Variants in CAP2 observed in about 807,000 individuals in gnomAD.
The protein encoded by CAP2 is cyclase associated actin cytoskeleton regulatory protein 2.
Under a neutral mutation model 57.7 loss-of-function variants are expected in CAP2, and 24 were observed. The ratio of observed to expected loss-of-function variants is 0.42; its 90% confidence interval spans 0.30 to 0.58. The LOEUF is 0.58. Among genes scored for constraint, CAP2 ranks in the 20% least tolerant of loss-of-function variants. The pLI, the probability that CAP2 is intolerant of heterozygous loss-of-function variation, is 0.22. For synonymous variants in CAP2, 194 were observed against 207.2 expected, an observed-to-expected ratio of 0.94 and a Z score of 0.55; for missense variants, 501 against 590.3, an observed-to-expected ratio of 0.85 and a Z score of 1.57.
intron 6 of CAP2, among the ~76,000 whole-genome samples, chr6:17,512,215 C>A (rs1762173725): frequency 6.6e-6 from 1 of 151,886 alleles, no homozygotes; most frequent in Non-Finnish European, 1.5e-5. Flanking sequence ...CATAGTGAGA[C>A]CTCCATCCCT....
chr6:17,542,371 G>C (rs926466048), intron 9 of CAP2, among the ~76,000 whole-genome samples: 2 of 152,156 alleles, frequency 1.3e-5, no homozygotes, highest in Admixed American at 1.3e-4. Context: ...ATGAAAGCTG[G>C]TGTCTCCTGC....
rs546284544 is a variant in CAP2 at position 17,500,908 on chromosome 6, A to G, written c.301-6261A>G. Among the ~76,000 whole-genome samples the G allele has an allele frequency of 3.4e-3, 517 of 152,340 alleles. 2 individuals carry two copies. Among genetic ancestry groups the G allele is most frequent in the African/African-American group, 0.012 (488 of 41,586 alleles). ...AACTAGTGAAACTTTACACAAAAAC[A>G]CATAAGCCAAAGTAATAATGATTAA... is the stretch of plus-strand genomic sequence containing the variant. On this transcript the variant is annotated intron_variant, in intron 4 of 12. Coordinates refer to ENST00000229922, the MANE Select transcript of CAP2 (RefSeq NM_006366.3).
intron 4 of CAP2, among the ~76,000 whole-genome samples, chr6:17,483,890 A>T (rs1195429227): frequency 6.6e-6 from 1 of 151,316 alleles, no homozygotes; most frequent in Non-Finnish European, 1.5e-5. Flanking sequence ...CCCTGAAAAA[A>T]CCCAGAGGAG....
chr6:17,553,043 T>G (rs1180660948), intron 12 of CAP2, among the ~76,000 whole-genome samples: 1 of 152,132 alleles, frequency 6.6e-6, no homozygotes, highest in Non-Finnish European at 1.5e-5. Context: ...CCTAAAAAAA[T>G]TCCTGAAGAG....
chr6:17,425,294 G>C (rs1759560954), intron 2 of CAP2, among the ~76,000 whole-genome samples: 1 of 152,160 alleles, frequency 6.6e-6, no homozygotes, highest in Non-Finnish European at 1.5e-5. Flanking sequence ...GGCAGGGAAG[G>C]AAATGCAGAG....
intron 7 of CAP2, chr6:17,531,327 C>A: frequency 8.3e-7 from 1 of 1,204,708 alleles, no homozygotes; most frequent in East Asian, 2.3e-5. Flanking sequence ...ACCTTTCAGA[C>A]CTTTGGGCTC....
chr6:17,531,660 T>C, intron 7 of CAP2: 1 of 952,414 alleles, frequency 1.0e-6, no homozygotes, highest in Non-Finnish European at 1.6e-6. Flanking sequence ...AAAAGAGTGG[T>C]CTCTGCTTGT....
intron 4 of CAP2, among the ~76,000 whole-genome samples, chr6:17,498,716 TTTTA>T (rs1400902724): frequency 1.3e-5 from 2 of 151,938 alleles, no homozygotes; most frequent in Non-Finnish European, 2.9e-5. Context: ...TTTTATTTTA[TTTTA>T]TTTATTTTAT....
chr6:17,423,624 G>T (rs962995983), intron 2 of CAP2, among the ~76,000 whole-genome samples: 5 of 146,792 alleles, frequency 3.4e-5, no homozygotes, highest in African/African-American at 1.3e-4. Context: ...ATTGAGTAAA[G>T]AAAAAAAAAA....
At chr6:17,399,521 A>G (rs1006642490) in intron 1 of CAP2, among the ~76,000 whole-genome samples, 2 of 152,208 alleles carry the variant, frequency 1.3e-5, no homozygotes, top group African/African-American at 4.8e-5. Context: ...AAAGGGACAT[A>G]GGACATTGTC....
At chr6:17,399,138 G>T (rs377231820) in intron 1 of CAP2, among the ~76,000 whole-genome samples, 2 of 152,150 alleles carry the variant, frequency 1.3e-5, no homozygotes, top group East Asian at 3.9e-4. Flanking sequence ...ATCTCGGCTC[G>T]CTGCAACCTC....
chr6:17,497,207 C>A (rs1278409334), intron 4 of CAP2, among the ~76,000 whole-genome samples: 1 of 152,128 alleles, frequency 6.6e-6, no homozygotes, highest in African/African-American at 2.4e-5. Context: ...CAGTTTTCTC[C>A]AATTTTTGTC....
intron 7 of CAP2, among the ~76,000 whole-genome samples, chr6:17,530,414 T>C (rs1011620224): frequency 5.3e-5 from 8 of 152,162 alleles, no homozygotes; most frequent in African/African-American, 1.9e-4. Flanking sequence ...AAGTGTATGA[T>C]TGGAGACCTA....
chr6:17,422,051 G>C (rs1474206072), intron 2 of CAP2, among the ~76,000 whole-genome samples: 4 of 152,168 alleles, frequency 2.6e-5, no homozygotes, highest in African/African-American at 4.8e-5. Context: ...CCCAGCCTCA[G>C]TGCCTCTTAA....
At chr6:17,555,649 T>C (rs930980475) in intron 12 of CAP2, among the ~76,000 whole-genome samples, 5 of 151,854 alleles carry the variant, frequency 3.3e-5, no homozygotes, top group Admixed American at 1.3e-4. Flanking sequence ...CCGCAACCTC[T>C]GCCTCCTGGG....
intron 3 of CAP2, among the ~76,000 whole-genome samples, chr6:17,456,505 G>T (rs1760575682): frequency 6.6e-6 from 1 of 152,020 alleles, no homozygotes; most frequent in African/African-American, 2.4e-5. Context: ...AAACTCTAGG[G>T]ACTTTTCCTT....
intron 3 of CAP2, among the ~76,000 whole-genome samples, chr6:17,432,850 G>GT (rs1759773029): frequency 7.0e-6 from 1 of 143,352 alleles, no homozygotes; most frequent in Non-Finnish European, 1.5e-5. Flanking sequence ...CTCTCCTTTT[G>GT]TTTTTTCCCT....
intron 4 of CAP2, among the ~76,000 whole-genome samples, chr6:17,496,870 C>CAAGA (rs1761683723): frequency 6.6e-6 from 1 of 152,120 alleles, no homozygotes; most frequent in African/African-American, 2.4e-5. Context: ...ATAAATGAAT[C>CAAGA]TCAGAGAAAA....
intron 3 of CAP2, among the ~76,000 whole-genome samples, 162 bp from the exon 4 acceptor site, chr6:17,462,834 G>C (rs1760761902): frequency 6.6e-6 from 1 of 152,168 alleles, no homozygotes; most frequent in South Asian, 2.1e-4. Flanking sequence ...CCATGTTTTG[G>C]TTATTATATG....
Sources: gnomAD v4.1 joint callset for allele counts (sites outside exome capture counted in the v4.1 genomes callset) on GRCh38, gnomAD v4.1.1 for gene constraint, MANE v1.5 for transcripts, NCBI Gene and HGNC (gene_info 2026-07-23, HGNC 2026-07-21) for gene names.